The following PCDH11Y variants were observed in gnomAD, a reference collection of about 807,000 sequenced individuals.
The protein encoded by PCDH11Y is protocadherin-11 Y-linked.
For missense variants in PCDH11Y, 12 were observed against 224.8 expected, an observed-to-expected ratio of 0.05 and a Z score of 6.05; for synonymous variants, 9 against 83.6, an observed-to-expected ratio of 0.11 and a Z score of 4.87.
chrY:5,131,966 T>C, intron 2 of PCDH11Y, among the ~76,000 whole-genome samples: 1 of 33,287 alleles, frequency 3.0e-5, no homozygotes. Flanking sequence ...AATTAACATA[T>C]CCATAACCTC....
chrY:5,287,527 C>T (rs2053061724), intron 2 of PCDH11Y, among the ~76,000 whole-genome samples: 1 of 33,102 alleles, frequency 3.0e-5, no homozygotes, highest in Non-Finnish European at 7.4e-5. Flanking sequence ...ACCCAAATGC[C>T]CATCAATGAT....
intron 4 of PCDH11Y, among the ~76,000 whole-genome samples, chrY:5,612,132 T>C: frequency 2.4e-4 from 7 of 29,564 alleles, no homozygotes; most frequent in Non-Finnish European, 8.1e-5. Flanking sequence ...TCACCCGTCT[T>C]CTGCGTCGCT....
At chrY:5,050,668 C>T in intron 3 of PCDH11Y, among the ~76,000 whole-genome samples, 1 of 31,683 alleles carries the variant, frequency 3.2e-5, no homozygotes, top group Non-Finnish European at 7.7e-5. Context: ...TTTATTAATT[C>T]ATGGAATAGT....
intron 1 of PCDH11Y, among the ~76,000 whole-genome samples, chrY:5,003,161 G>A: frequency 2.9e-5 from 1 of 34,046 alleles, no homozygotes; most frequent in Non-Finnish European, 7.5e-5. Context: ...CACTGCTGGC[G>A]GCCCGCCGCC....
chrY:5,188,579 C>G, intron 2 of PCDH11Y, among the ~76,000 whole-genome samples: 1 of 32,582 alleles, frequency 3.1e-5, no homozygotes, highest in Non-Finnish European at 7.6e-5. Context: ...TGTGAGAACT[C>G]ACTCACCATC....
chrY:5,407,441 A>G (rs2053239786), intron 2 of PCDH11Y, among the ~76,000 whole-genome samples: 1 of 31,591 alleles, frequency 3.2e-5, no homozygotes, highest in African/African-American at 1.3e-4. Flanking sequence ...CATCTCAGTG[A>G]CACTAAAATG....
intron 2 of PCDH11Y, among the ~76,000 whole-genome samples, chrY:5,251,990 T>C (rs2053004739): frequency 6.2e-5 from 2 of 32,386 alleles, no homozygotes; most frequent in African/African-American, 2.4e-4. Flanking sequence ...TTTTTACTGA[T>C]TGTTTCTTAA....
chrY:5,505,855 A>G (rs2053358567), intron 3 of PCDH11Y, among the ~76,000 whole-genome samples: 1 of 32,094 alleles, frequency 3.1e-5, no homozygotes, highest in Non-Finnish European at 7.7e-5. Context: ...ATTTCTACTC[A>G]GAGAAATGCC....
At chrY:5,344,824 C>T (rs2053150311) in intron 2 of PCDH11Y, among the ~76,000 whole-genome samples, 3 of 33,568 alleles carry the variant, frequency 8.9e-5, no homozygotes, top group Admixed American at 2.7e-4. Flanking sequence ...CCTACAACCA[C>T]GCCTGGCTAA....
At chrY:5,385,755 C>A in intron 2 of PCDH11Y, among the ~76,000 whole-genome samples, 4 of 33,617 alleles carry the variant, frequency 1.2e-4, no homozygotes, top group Admixed American at 8.2e-4. Flanking sequence ...AATCCCTGAT[C>A]ATTAGTGCTG....
chrY:5,494,065 G>C (rs2053341436), intron 2 of PCDH11Y, among the ~76,000 whole-genome samples: 1 of 33,477 alleles, frequency 3.0e-5, no homozygotes, highest in African/African-American at 1.2e-4. Flanking sequence ...TTAAATGTAA[G>C]TCACTAAATA....
chrY:5,005,599 A>T, intron 1 of PCDH11Y, among the ~76,000 whole-genome samples: 1 of 33,229 alleles, frequency 3.0e-5, no homozygotes, highest in Non-Finnish European at 7.5e-5. Context: ...ACATCCCTGC[A>T]TCATCTCTGA....
intron 2 of PCDH11Y, among the ~76,000 whole-genome samples, chrY:5,425,835 GA>G (rs2053262723): frequency 3.0e-5 from 1 of 32,904 alleles, no homozygotes; most frequent in Non-Finnish European, 7.5e-5. Context: ...TTTGGCAATT[GA>G]AAGTTAATTC....
At chrY:5,704,433 CT>C (rs2053581032) in intron 4 of PCDH11Y, among the ~76,000 whole-genome samples, 5 of 24,868 alleles carry the variant, frequency 2.0e-4, no homozygotes, top group Admixed American at 7.3e-4. Context: ...TCTTTTTTTT[CT>C]TTTTTTTTTT....
chrY:5,646,438 C>T (rs2053527279), intron 4 of PCDH11Y, among the ~76,000 whole-genome samples: 1 of 32,194 alleles, frequency 3.1e-5, no homozygotes, highest in East Asian at 8.3e-4. Flanking sequence ...GACACAATAG[C>T]GTCACTATAA....
At chrY:5,581,079 A>G in intron 3 of PCDH11Y, among the ~76,000 whole-genome samples, 1 of 32,607 alleles carries the variant, frequency 3.1e-5, no homozygotes, top group Non-Finnish European at 7.6e-5. Flanking sequence ...TACTTGTTCC[A>G]GGTCAAGCAT....
chrY:5,109,703 G>A, downstream of PCDH11Y, among the ~76,000 whole-genome samples: 1 of 33,068 alleles, frequency 3.0e-5, no homozygotes, highest in Non-Finnish European at 7.4e-5. Flanking sequence ...AAAATATCAA[G>A]TCTTGATGAA....
intron 2 of PCDH11Y, among the ~76,000 whole-genome samples, chrY:5,237,451 C>T (rs1602890710): frequency 1.0e-3 from 33 of 32,833 alleles, no homozygotes; most frequent in South Asian, 4.8e-3. Flanking sequence ...AAATAATGTG[C>T]GTCAGCCAAT....
Position 5,448,929 on chromosome Y carries a change from G to A in PCDH11Y, c.3130-52128G>A, listed in dbSNP as rs71201685. Among the ~76,000 whole-genome samples, 13 of 33,019 alleles carry A rather than the reference G, an allele frequency of 3.9e-4. No individual in the cohort carries two copies. The East Asian group carries it at 9.8e-3, about 25-fold the overall frequency. 88.6% of individuals were successfully genotyped at this position (33,019 alleles called of 37,273 possible). On this transcript the variant is annotated intron_variant, in intron 2 of 4. Transcript: ENST00000400457. ...AGTACTCTAAATGAATCTTCTCTTCGTTATGATTTTCTTAATAAGGTTTTC... is the reference window on the plus strand; with the variant it reads ...AGTACTCTAAATGAATCTTCTCTTCATTATGATTTTCTTAATAAGGTTTTC...
Sources: gnomAD v4.1 joint callset for allele counts (sites outside exome capture counted in the v4.1 genomes callset) on GRCh38, gnomAD v4.1.1 for gene constraint, MANE v1.5 for transcripts, NCBI Gene and HGNC (gene_info 2026-07-23, HGNC 2026-07-21) for gene names.